LDLRAD4: variants seen among roughly 807,000 people sequenced by gnomAD.
The protein encoded by LDLRAD4 is low density lipoprotein receptor class A domain containing 4, also known as low-density lipoprotein receptor class A domain-containing protein 4.
A neutral mutation model predicts 17.0 loss-of-function variants in LDLRAD4; 5 were observed. The observed-to-expected ratio is 0.29, with a 90% CI of 0.15 to 0.62. The LOEUF (loss-of-function observed/expected upper bound fraction) is 0.62. Among genes scored for constraint, LDLRAD4 ranks in the 20% least tolerant of loss-of-function variants. The pLI, the probability that LDLRAD4 is intolerant of heterozygous loss-of-function variation, is 0.84. For synonymous variants in LDLRAD4, 168 were observed against 171.8 expected (o/e 0.98, Z 0.17); for missense variants, 340 against 424.7 (o/e 0.80, Z 1.75).
chr18:13,473,636 C>A (rs1600634755), intron 3 of LDLRAD4, among the ~76,000 whole-genome samples: 2 of 28,780 alleles, frequency 6.9e-5, no homozygotes, highest in Non-Finnish European at 1.2e-4. Context: ...GATCCCATCT[C>A]ATATATATAT....
At chr18:13,605,801 G>C (rs374342614) in intron 3 of LDLRAD4, among the ~76,000 whole-genome samples, 5 of 152,180 alleles carry the variant, frequency 3.3e-5, no homozygotes, top group African/African-American at 1.2e-4. Context: ...TGTCCTCGTG[G>C]TGGTATGCTG....
intron 2 of LDLRAD4, among the ~76,000 whole-genome samples, chr18:13,426,592 G>A (rs1370208912): frequency 1.3e-5 from 2 of 152,248 alleles, no homozygotes; most frequent in African/African-American, 2.4e-5. Context: ...GGTGTACAGG[G>A]GAGTGCACGC....
At chr18:13,410,751 T>C (rs1246856589) in intron 2 of LDLRAD4, among the ~76,000 whole-genome samples, 3 of 152,232 alleles carry the variant, frequency 2.0e-5, no homozygotes, top group Non-Finnish European at 4.4e-5. Flanking sequence ...AGGAAATTCA[T>C]AAAACTGATT....
intron 3 of LDLRAD4, among the ~76,000 whole-genome samples, chr18:13,551,457 C>G (rs542081721): frequency 1.8e-3 from 274 of 152,290 alleles, no homozygotes; most frequent in African/African-American, 6.4e-3. Context: ...CTGCCGAGGC[C>G]TCGGCTGTCC....
chr18:13,649,951 G>A lies in LDLRAD4; in HGVS notation c.*4294G>A, dbSNP rs967596628. The A allele has an allele frequency of 1.0e-5, 4 of 397,720 alleles. No individual in the cohort carries two copies. In the Admixed American group the frequency reaches 1.3e-4, roughly 13 times the overall value. The allele number at this position is 397,720 out of a possible 1,614,324, so 24.6% of individuals were successfully genotyped here. A position where few individuals can be genotyped will look rare whatever the true frequency, so the allele number is the denominator to read the frequency against. The stretch of plus-strand genomic sequence containing the variant: ...CAATTGAATGACAGGTGGGCAAAGG[G>A]AGAACTTCCCCTTCTTGGTGCGAGG... On this transcript the variant is annotated 3_prime_UTR_variant, in exon 6 of 6. Transcript: ENST00000359446.
At chr18:13,639,474 C>T (rs1052539324) in intron 4 of LDLRAD4, among the ~76,000 whole-genome samples, 12 of 152,194 alleles carry the variant, frequency 7.9e-5, no homozygotes, top group South Asian at 2.1e-4. Context: ...GGGCTAAGGA[C>T]GGTGACCTTG....
Position 13,622,938 on chromosome 18 carries a change from C to T in LDLRAD4, c.336+1667C>T, listed in dbSNP as rs1162424764. ...AGGCACACAGGGAGTTTTCTGTCCCCTGCCTGGGCGCTCCCCAGTCTTCCT... is the reference window on the plus strand; with the variant it reads ...AGGCACACAGGGAGTTTTCTGTCCCTTGCCTGGGCGCTCCCCAGTCTTCCT... On this transcript the variant is annotated intron_variant, in intron 4 of 5. Transcript: ENST00000359446. This position sits in a 1 kb window ranked among gnomAD's most constrained non-coding sequence, Gnocchi z 5.3. Among the ~76,000 whole-genome samples the T allele has an allele frequency of 6.6e-6, 1 of 152,202 alleles. No homozygotes were observed. Among genetic ancestry groups the T allele is most frequent in the Admixed American group, 6.5e-5 (1 of 15,284 alleles).
intron 2 of LDLRAD4, 82 bp from the exon 4 acceptor site, chr18:13,438,162 G>A (rs2090789561): frequency 7.6e-7 from 1 of 1,317,918 alleles, no homozygotes; most frequent in Admixed American, 1.7e-5. Flanking sequence ...GCAAATGGGG[G>A]AAAGAAAAAC....
chr18:13,349,967 T>C (rs1044533163), intron 1 of LDLRAD4, among the ~76,000 whole-genome samples: 1 of 152,190 alleles, frequency 6.6e-6, no homozygotes, highest in African/African-American at 2.4e-5. Context: ...ACGATCTCAT[T>C]CCTTTTTATG....
In LDLRAD4 at chr18:13,621,417, C is replaced by A; in HGVS notation, c.336+146C>A. On this transcript the variant is annotated intron_variant, in intron 4 of 5. Transcript: ENST00000359446. This position sits in a 1 kb window ranked among gnomAD's most constrained non-coding sequence, Gnocchi z 5.5. Reference sequence around the variant, plus strand: ...CTCGTAAGTGTTCCACTTAGTGAGTCCCCACAAACTGAACACACCAGTGTG... The same window carrying A: ...CTCGTAAGTGTTCCACTTAGTGAGTACCCACAAACTGAACACACCAGTGTG... The A allele has an allele frequency of 1.5e-6, 1 of 647,000 alleles. No individual in the cohort carries two copies. Among genetic ancestry groups the A allele is most frequent in the Admixed American group, 2.4e-5 (1 of 41,350 alleles). 40.1% of individuals were successfully genotyped at this position (647,000 alleles called of 1,614,324 possible).
At chr18:13,541,034 T>G (rs2094275056) in intron 3 of LDLRAD4, among the ~76,000 whole-genome samples, 1 of 152,170 alleles carries the variant, frequency 6.6e-6, no homozygotes, top group Non-Finnish European at 1.5e-5. Context: ...TGGGGGCTGC[T>G]GCATTCTAGT....
intron 3 of LDLRAD4, among the ~76,000 whole-genome samples, chr18:13,542,011 G>T (rs950469975): frequency 1.3e-5 from 2 of 152,134 alleles, no homozygotes; most frequent in Non-Finnish European, 2.9e-5. Flanking sequence ...AGGAGTTGAA[G>T]GTTGCAGTGA....
At chr18:13,400,649 C>G (rs941027807) in intron 2 of LDLRAD4, among the ~76,000 whole-genome samples, 1 of 152,218 alleles carries the variant, frequency 6.6e-6, no homozygotes, top group Non-Finnish European at 1.5e-5. Context: ...TATGTTCACA[C>G]TCGTATCTGT....
chr18:13,434,721 G>C (rs1020322664), intron 2 of LDLRAD4, among the ~76,000 whole-genome samples: 7 of 152,118 alleles, frequency 4.6e-5, no homozygotes, highest in African/African-American at 1.7e-4. Context: ...CTAGCGACTG[G>C]GCCCTGTAGT....
chr18:13,561,006 C>G (rs768222650), intron 3 of LDLRAD4, among the ~76,000 whole-genome samples: 4 of 152,056 alleles, frequency 2.6e-5, no homozygotes, highest in Non-Finnish European at 5.9e-5. Flanking sequence ...TCTGTGTGAC[C>G]TTAGGAAGGT....
chr18:13,317,236 A>G (rs1256906861), intron 1 of LDLRAD4, among the ~76,000 whole-genome samples: 1 of 152,218 alleles, frequency 6.6e-6, no homozygotes, highest in Non-Finnish European at 1.5e-5. Context: ...GTCTATAGCC[A>G]CAAAAAAGAT....
intron 1 of LDLRAD4, among the ~76,000 whole-genome samples, chr18:13,342,183 G>A (rs2082407475): frequency 1.3e-5 from 2 of 152,016 alleles, no homozygotes; most frequent in Non-Finnish European, 2.9e-5. Flanking sequence ...AGAAATATTG[G>A]TTTGTAGTTT....
intron 2 of LDLRAD4, among the ~76,000 whole-genome samples, chr18:13,400,622 G>A (rs1453212060): frequency 6.6e-6 from 1 of 152,182 alleles, no homozygotes; most frequent in African/African-American, 2.4e-5. Flanking sequence ...AGGAACCGGG[G>A]CAGTGATGAG....
rs575845244 is a variant in LDLRAD4, at chr18:13,396,137, G to A, written c.40+8375G>A. Among the ~76,000 whole-genome samples the A allele has an allele frequency of 2.8e-4, 42 of 152,318 alleles. No individual in the cohort carries two copies. In the East Asian group the frequency reaches 5.6e-3, roughly 20 times the overall value. ...AAAATTTTTTAACCAATAATAGTCC[G>A]TATGGGAGTATGGACTCTTTTTCCT... On this transcript the variant is annotated intron_variant, in intron 2 of 5. Coordinates refer to ENST00000359446, the Ensembl canonical transcript of LDLRAD4.
Sources: gnomAD v4.1 joint callset for allele counts (sites outside exome capture counted in the v4.1 genomes callset) on GRCh38, gnomAD v4.1.1 for gene constraint, Gnocchi (gnomAD v3.1) non-coding constraint, MANE v1.5 for transcripts, NCBI Gene and HGNC (gene_info 2026-07-23, HGNC 2026-07-21) for gene names.